Variants in COBL observed in about 807,000 individuals in gnomAD.
COBL encodes cordon-bleu WH2 repeat protein.
In COBL, 51 loss-of-function variants were observed where a neutral mutation model predicts 98.8. The observed-to-expected ratio is 0.52, with a 90% CI of 0.41 to 0.65. The LOEUF is 0.65. COBL is among the 30% of genes least tolerant of loss of function. COBL has a pLI of 0.00. For missense variants in COBL, 1,617 were observed against 1,617.5 expected (o/e 1.00, Z 0.01); for synonymous variants, 634 against 651.7 (o/e 0.97, Z 0.41).
chr7:51,070,060 G>A (rs892584297), intron 7 of COBL, among the ~76,000 whole-genome samples: 2 of 151,954 alleles, frequency 1.3e-5, no homozygotes, highest in African/African-American at 4.8e-5. Flanking sequence ...TTAATAAGAA[G>A]GAAAAAGAAG....
intron 1 of COBL, among the ~76,000 whole-genome samples, chr7:51,303,004 A>G (rs1584450766): frequency 6.6e-6 from 1 of 152,042 alleles, no homozygotes; most frequent in Non-Finnish European, 1.5e-5. Flanking sequence ...ACAATACCCC[A>G]CTCACAGGGC....
At chr7:51,177,661 T>G (rs1296414058) in intron 5 of COBL, among the ~76,000 whole-genome samples, 6 of 151,830 alleles carry the variant, frequency 4.0e-5, no homozygotes, top group Non-Finnish European at 7.4e-5. Context: ...TGATCCCAGC[T>G]ACTTGAGAGG....
chr7:51,258,946 T>C, intron 1 of COBL, among the ~76,000 whole-genome samples: 1 of 152,262 alleles, frequency 6.6e-6, no homozygotes, highest in Non-Finnish European at 1.5e-5. Flanking sequence ...TCCCATCTAT[T>C]AGTACCAGCC....
chr7:51,275,119 A>G (rs1407119496), intron 1 of COBL, among the ~76,000 whole-genome samples: 1 of 152,112 alleles, frequency 6.6e-6, no homozygotes, highest in African/African-American at 2.4e-5. Context: ...CAGGTGAGGG[A>G]CGCACGTGGA....
At chr7:51,037,166 A>G (rs1426035321) in intron 8 of COBL, among the ~76,000 whole-genome samples, 1 of 152,228 alleles carries the variant, frequency 6.6e-6, no homozygotes, top group Non-Finnish European at 1.5e-5. Context: ...AATAAAGAGG[A>G]AGATGATCAG....
chr7:51,315,682 G>A (rs1309502606), intron 1 of COBL, among the ~76,000 whole-genome samples: 1 of 152,208 alleles, frequency 6.6e-6, no homozygotes, highest in African/African-American at 2.4e-5. Flanking sequence ...GGGACTGCGC[G>A]CTACCCCGCG....
chr7:51,098,427 T>A (rs957975722), intron 6 of COBL, among the ~76,000 whole-genome samples: 18 of 151,934 alleles, frequency 1.2e-4, no homozygotes, highest in African/African-American at 4.1e-4. Flanking sequence ...AATGTGTAAA[T>A]CAATGAAACA....
intron 5 of COBL, chr7:51,172,466 C>CT: frequency 7.8e-7 from 1 of 1,288,552 alleles, no homozygotes; most frequent in South Asian, 1.2e-5. Context: ...GTTCAAACCC[C>CT]TTCCTGGGGC....
intron 2 of COBL, among the ~76,000 whole-genome samples, chr7:51,201,203 G>A (rs1489164900): frequency 6.8e-6 from 1 of 146,434 alleles, no homozygotes; most frequent in Non-Finnish European, 1.5e-5. Flanking sequence ...TGGTGCCACT[G>A]CACTCCAGCC....
intron 2 of COBL, among the ~76,000 whole-genome samples, chr7:51,193,902 T>C (rs548521868): frequency 4.0e-4 from 61 of 152,336 alleles, no homozygotes; most frequent in South Asian, 1.5e-3. Flanking sequence ...CAAATATTTT[T>C]CATGCATACA....
At chr7:51,181,866 C>T (rs1788998209) in intron 5 of COBL, among the ~76,000 whole-genome samples, 1 of 152,090 alleles carries the variant, frequency 6.6e-6, no homozygotes, top group South Asian at 2.1e-4. Context: ...GACAGAAAGT[C>T]CCTTGCAATC....
chr7:51,198,985 C>T (rs765722549), intron 2 of COBL, among the ~76,000 whole-genome samples: 4 of 152,214 alleles, frequency 2.6e-5, no homozygotes, highest in Non-Finnish European at 5.9e-5. Context: ...GGACTGAAAG[C>T]ATCCCTGTCC....
chr7:51,049,057 T>C (rs191492236), intron 7 of COBL, among the ~76,000 whole-genome samples: 228 of 152,340 alleles, frequency 1.5e-3, no homozygotes, highest in Middle Eastern at 3.4e-3. Flanking sequence ...ACTTTTCCTC[T>C]AATATATGTC....
intron 1 of COBL, among the ~76,000 whole-genome samples, chr7:51,289,055 GC>G (rs1171890410): frequency 3.3e-5 from 5 of 152,178 alleles, no homozygotes; most frequent in Non-Finnish European, 7.3e-5. Context: ...ACAGAGCCCT[GC>G]ATAGTCTAAA....
intron 6 of COBL, among the ~76,000 whole-genome samples, chr7:51,121,028 A>G (rs28840377): frequency 0.021 from 3,160 of 152,236 alleles, 97 homozygotes; most frequent in African/African-American, 0.072. Flanking sequence ...TTTTGGATAT[A>G]TGCCCGGAAG....
intron 1 of COBL, among the ~76,000 whole-genome samples, chr7:51,264,297 C>T (rs557346944): frequency 6.6e-6 from 1 of 152,258 alleles, no homozygotes; most frequent in South Asian, 2.1e-4. Flanking sequence ...CAGGATGCAG[C>T]CACACAGGGC....
At chr7:51,209,408 T>C (rs1584184235) in intron 2 of COBL, among the ~76,000 whole-genome samples, 2 of 152,142 alleles carry the variant, frequency 1.3e-5, no homozygotes, top group South Asian at 4.1e-4. Context: ...GAGCACCTGG[T>C]GCGGCCTGGG....
At chr7:51,097,441 C>T (rs1795371465) in intron 6 of COBL, among the ~76,000 whole-genome samples, 1 of 152,092 alleles carries the variant, frequency 6.6e-6, no homozygotes, top group South Asian at 2.1e-4. Flanking sequence ...TGTTGGGAGT[C>T]CTAGCCATAA....
chr7:51,284,757 G>A (rs1354469341), intron 1 of COBL, among the ~76,000 whole-genome samples: 4 of 150,984 alleles, frequency 2.6e-5, no homozygotes, highest in African/African-American at 9.7e-5. Context: ...AACCCAGGAG[G>A]CAGAGGTTGT....
Sources: allele counts gnomAD v4.1 joint callset (sites outside exome capture counted in the v4.1 genomes callset), GRCh38; gene constraint gnomAD v4.1.1; transcripts MANE v1.5; gene names NCBI Gene and HGNC (gene_info 2026-07-23, HGNC 2026-07-21).